SBF2: variants seen among roughly 807,000 people sequenced by gnomAD.
SBF2 encodes myotubularin-related protein 13.
In SBF2, 112 loss-of-function variants were observed where a neutral mutation model predicts 225.2. That is an observed-to-expected ratio of 0.50 (90% CI 0.43 to 0.58). SBF2 has a LOEUF of 0.58. Among genes scored for constraint, SBF2 ranks in the 20% least tolerant of loss-of-function variants. The pLI, the probability that SBF2 is intolerant of heterozygous loss-of-function variation, is 0.00. For synonymous variants in SBF2, 763 were observed against 773.3 expected (o/e 0.99, Z 0.22); for missense variants, 1,996 against 2,206.2 (o/e 0.90, Z 1.91).
At chr11:9,954,196 C>G (rs547874046) in intron 16 of SBF2, among the ~76,000 whole-genome samples, 1 of 152,204 alleles carries the variant, frequency 6.6e-6, no homozygotes, top group African/African-American at 2.4e-5. Flanking sequence ...TTAATTTTCC[C>G]TTGTGGATAG....
chr11:9,885,715 A>C (rs976907928), intron 17 of SBF2, among the ~76,000 whole-genome samples: 16 of 152,154 alleles, frequency 1.1e-4, no homozygotes, highest in Admixed American at 1.0e-3. Flanking sequence ...AAATTTCAAT[A>C]AAAATTTTTA....
intron 2 of SBF2, among the ~76,000 whole-genome samples, chr11:10,060,728 T>C (rs1950409890): frequency 1.3e-5 from 2 of 152,068 alleles, no homozygotes; most frequent in Admixed American, 6.5e-5. Flanking sequence ...TGGTTCAACA[T>C]ATAAAAATCT....
intron 1 of SBF2, among the ~76,000 whole-genome samples, chr11:10,257,597 A>AGAGG (rs1470207502): frequency 3.6e-4 from 52 of 145,280 alleles, no homozygotes; most frequent in Non-Finnish European, 2.3e-4. Flanking sequence ...CCCAGGAAGT[A>AGAGG]GAGGCTGCAG....
intron 35 of SBF2, among the ~76,000 whole-genome samples, chr11:9,788,409 A>G (rs360129): frequency 0.87 from 131,953 of 152,044 alleles, 57,552 homozygotes; most frequent in Non-Finnish European, 0.9. Flanking sequence ...AAGATGGTTG[A>G]CAGCACTCCC....
chr11:9,840,912 C>CT (rs543927465), intron 25 of SBF2, among the ~76,000 whole-genome samples: 1,380 of 135,582 alleles, frequency 0.01, 17 homozygotes, highest in African/African-American at 0.022. Context: ...TTTAGGGAGG[C>CT]TTTTTTTTTT....
At chr11:10,065,918 G>T (rs1477440568) in intron 2 of SBF2, among the ~76,000 whole-genome samples, 1 of 152,144 alleles carries the variant, frequency 6.6e-6, no homozygotes, top group Non-Finnish European at 1.5e-5. Context: ...TTGCACTCCA[G>T]CCTGGGCAAG....
chr11:9,838,102 A>C (rs1030466436), intron 26 of SBF2: 6 of 150,324 alleles, frequency 4.0e-5, no homozygotes, highest in African/African-American at 1.5e-4. Context: ...ACATTTAGTC[A>C]ATTAATAATT....
intron 9 of SBF2, among the ~76,000 whole-genome samples, chr11:9,994,449 T>G: frequency 1.3e-5 from 2 of 148,152 alleles, no homozygotes; most frequent in Non-Finnish European, 1.5e-5. Context: ...CACTCCAGCC[T>G]GGGCGACAGA....
intron 16 of SBF2, among the ~76,000 whole-genome samples, chr11:9,930,769 G>C (rs764358731): frequency 6.6e-6 from 1 of 152,198 alleles, no homozygotes. Flanking sequence ...TGCAGCCCAC[G>C]GAGGGTGAGC....
chr11:9,801,765 A>C (rs184457508), intron 32 of SBF2, among the ~76,000 whole-genome samples: 1 of 152,370 alleles, frequency 6.6e-6, no homozygotes, highest in Admixed American at 6.5e-5. Flanking sequence ...AATAGGCAGC[A>C]GACAGCAGAA....
At chr11:9,867,666 T>G (rs1052094192) in intron 17 of SBF2, among the ~76,000 whole-genome samples, 4 of 152,204 alleles carry the variant, frequency 2.6e-5, no homozygotes, top group Admixed American at 6.5e-5. Context: ...TATATATACA[T>G]AGTGGAATAA....
chr11:10,101,854 A>C (rs1027413222), intron 2 of SBF2, among the ~76,000 whole-genome samples: 1 of 152,066 alleles, frequency 6.6e-6, no homozygotes, highest in Admixed American at 6.6e-5. Context: ...ACAGGATAGA[A>C]CATGGGTTTA....
At chr11:10,166,491 A>G (rs2028576) in intron 2 of SBF2, among the ~76,000 whole-genome samples, 14,625 of 152,200 alleles carry the variant, frequency 0.096, 957 homozygotes, top group East Asian at 0.28. Context: ...AAACATTAGT[A>G]ATCTTAAAGG....
intron 10 of SBF2, among the ~76,000 whole-genome samples, chr11:9,993,551 C>T (rs1015635676): frequency 6.6e-6 from 1 of 152,200 alleles, no homozygotes; most frequent in African/African-American, 2.4e-5. Flanking sequence ...CTCCTATAAC[C>T]AACATTCTTT....
chr11:9,967,384 A>G (rs966160772), intron 14 of SBF2, among the ~76,000 whole-genome samples: 1 of 152,242 alleles, frequency 6.6e-6, no homozygotes, highest in East Asian at 1.9e-4. Flanking sequence ...AAAAAAAAAA[A>G]AAAGAAACGA....
At chr11:9,820,416 G>A (rs12576762) in intron 28 of SBF2, among the ~76,000 whole-genome samples, 12,435 of 152,194 alleles carry the variant, frequency 0.082, 590 homozygotes, top group East Asian at 0.15. Flanking sequence ...CTTGGGACAT[G>A]GCCAAGGCAC....
intron 2 of SBF2, among the ~76,000 whole-genome samples, chr11:10,150,038 C>G (rs72860590): frequency 2.0e-5 from 3 of 152,194 alleles, no homozygotes; most frequent in Admixed American, 6.5e-5. Flanking sequence ...AGAGGAAGTA[C>G]GTCTAACAGT....
intron 2 of SBF2, among the ~76,000 whole-genome samples, chr11:10,102,073 GT>G (rs1220877221): frequency 6.6e-6 from 1 of 152,210 alleles, no homozygotes; most frequent in African/African-American, 2.4e-5. Context: ...AATAAAGACA[GT>G]TTTAAAGACT....
At chr11:9,787,426 T>C (rs1441120074) in intron 36 of SBF2, among the ~76,000 whole-genome samples, 1 of 152,188 alleles carries the variant, frequency 6.6e-6, no homozygotes, top group East Asian at 1.9e-4. Context: ...ATAAGTATTA[T>C]GTCACTGTGG....
Sources: gnomAD v4.1 joint callset for allele counts (sites outside exome capture counted in the v4.1 genomes callset) on GRCh38, gnomAD v4.1.1 for gene constraint, MANE v1.5 for transcripts, NCBI Gene and HGNC (gene_info 2026-07-23, HGNC 2026-07-21) for gene names.